Variants in PIP4K2A observed in about 807,000 individuals in gnomAD.
The protein encoded by PIP4K2A is phosphatidylinositol 5-phosphate 4-kinase type-2 alpha.
In PIP4K2A, 14 loss-of-function variants were observed where a neutral mutation model predicts 42.9. The observed-to-expected ratio is 0.33, with a 90% CI of 0.22 to 0.51. The LOEUF is 0.51. Ranked by LOEUF, PIP4K2A falls within the 20% of genes least tolerant of loss-of-function variation. The pLI is 0.97. For missense variants in PIP4K2A, 434 were observed against 519.8 expected (o/e 0.83, Z 1.61); for synonymous variants, 192 against 192.2 (o/e 1.00, Z 0.01).
chr10:22,596,205 C>CAAAAAAAAAA (rs10681238), intron 3 of PIP4K2A, among the ~76,000 whole-genome samples: 6,712 of 69,474 alleles, frequency 0.097, 762 homozygotes, highest in Non-Finnish European at 0.13. Flanking sequence ...AACTCCGTCT[C>CAAAAAAAAAA]AAAAAAAAAA....
intron 4 of PIP4K2A, among the ~76,000 whole-genome samples, chr10:22,576,708 T>C (rs760676153): frequency 4.0e-4 from 61 of 152,318 alleles, no homozygotes; most frequent in Non-Finnish European, 6.8e-4. Context: ...AAAAGTAGTA[T>C]GGAAGTGTTA....
At chr10:22,555,009 C>T (rs960244479) in intron 6 of PIP4K2A, among the ~76,000 whole-genome samples, 3 of 152,330 alleles carry the variant, frequency 2.0e-5, no homozygotes, top group East Asian at 1.9e-4. Flanking sequence ...CATTCATCTC[C>T]GCTAATGTGA....
intron 5 of PIP4K2A, chr10:22,569,059 A>G (rs1213996641): frequency 1.3e-6 from 2 of 1,534,092 alleles, no homozygotes; most frequent in African/African-American, 2.7e-5. Context: ...GGCCATCTGC[A>G]AAGAAATCAA....
At chr10:22,646,423 C>G (rs1304304612) in intron 1 of PIP4K2A, among the ~76,000 whole-genome samples, 1 of 152,160 alleles carries the variant, frequency 6.6e-6, no homozygotes, top group African/African-American at 2.4e-5. Context: ...ACAGCTCTGA[C>G]AGCTCATTTC....
At chr10:22,711,846 A>G (rs1275280151) in intron 1 of PIP4K2A, among the ~76,000 whole-genome samples, 1 of 152,214 alleles carries the variant, frequency 6.6e-6, no homozygotes, top group African/African-American at 2.4e-5. Context: ...AGGGTTTTAG[A>G]TTTCATGTTT....
chr10:22,661,400 G>A (rs1400957313), intron 1 of PIP4K2A, among the ~76,000 whole-genome samples: 2 of 142,568 alleles, frequency 1.4e-5, no homozygotes, highest in Non-Finnish European at 3.0e-5. Flanking sequence ...TCTGTCGCTC[G>A]GGCTGGAGTG....
At chr10:22,547,136 AT>A (rs1460846277) in intron 7 of PIP4K2A, among the ~76,000 whole-genome samples, 1 of 151,874 alleles carries the variant, frequency 6.6e-6, no homozygotes, top group African/African-American at 2.4e-5. Flanking sequence ...TTCTCAACTG[AT>A]TTATTTAACT....
At chr10:22,551,236 T>A (rs1836404098) in intron 6 of PIP4K2A, among the ~76,000 whole-genome samples, 1 of 152,182 alleles carries the variant, frequency 6.6e-6, no homozygotes, top group Non-Finnish European at 1.5e-5. Flanking sequence ...TGTTATCTTG[T>A]CTCAGAACAG....
intron 1 of PIP4K2A, among the ~76,000 whole-genome samples, chr10:22,666,843 C>T (rs929530123): frequency 6.6e-6 from 1 of 152,142 alleles, no homozygotes; most frequent in Admixed American, 6.5e-5. Context: ...AGTCCTATAC[C>T]GATAGGAATA....
intron 1 of PIP4K2A, among the ~76,000 whole-genome samples, chr10:22,681,499 C>A (rs1564465815): frequency 1.3e-5 from 2 of 152,164 alleles, no homozygotes; most frequent in African/African-American, 4.8e-5. Flanking sequence ...CACAGTGAGA[C>A]CTTGTCTCTT....
rs1564407665 is a variant in PIP4K2A at position 22,535,144 on chromosome 10, A to C, written c.*2057T>G. ...ATAAAAGCATTCTGTAAACTTCTAA[A>C]AGCATACACAGATTGGCCCCCAAGG... On this transcript the variant is annotated 3_prime_UTR_variant, in exon 10 of 10. Coordinates refer to ENST00000376573, the MANE Select transcript of PIP4K2A (RefSeq NM_005028.5). 1 of 152,370 alleles carries C rather than the reference A, an allele frequency of 6.6e-6. No individual in the cohort carries two copies. The highest frequency in any genetic ancestry group is 1.9e-4 in the East Asian group (1 of 5,190). The allele number at this position is 152,370 out of a possible 1,614,324, so 9.4% of individuals were successfully genotyped here. A position where few individuals can be genotyped will look rare whatever the true frequency, so the allele number is the denominator to read the frequency against.
intron 1 of PIP4K2A, among the ~76,000 whole-genome samples, chr10:22,625,510 G>C (rs948154952): frequency 5.3e-5 from 8 of 152,128 alleles, no homozygotes; most frequent in Admixed American, 2.0e-4. Context: ...AAAAAATCTG[G>C]AGTCTATTGT....
At chr10:22,699,388 A>C (rs1227716387) in intron 1 of PIP4K2A, among the ~76,000 whole-genome samples, 2 of 152,038 alleles carry the variant, frequency 1.3e-5, no homozygotes, top group Non-Finnish European at 2.9e-5. Flanking sequence ...CCTGAGAAGA[A>C]AACTTCTGTT....
At chr10:22,671,874 C>A (rs1839458135) in intron 1 of PIP4K2A, among the ~76,000 whole-genome samples, 1 of 151,542 alleles carries the variant, frequency 6.6e-6, no homozygotes, top group Non-Finnish European at 1.5e-5. Flanking sequence ...CTAAGAAACA[C>A]AAAAAATGTC....
At chr10:22,589,657 G>C (rs952702512) in intron 4 of PIP4K2A, among the ~76,000 whole-genome samples, 4 of 152,162 alleles carry the variant, frequency 2.6e-5, no homozygotes, top group African/African-American at 4.8e-5. Flanking sequence ...TGATATTAGA[G>C]CATCATGCAT....
At chr10:22,690,071 T>G (rs1839833556) in intron 1 of PIP4K2A, among the ~76,000 whole-genome samples, 1 of 152,176 alleles carries the variant, frequency 6.6e-6, no homozygotes, top group African/African-American at 2.4e-5. Flanking sequence ...ACTCTTGACT[T>G]TATTCACACT....
chr10:22,630,191 C>T (rs992962056), intron 1 of PIP4K2A, among the ~76,000 whole-genome samples: 1 of 146,238 alleles, frequency 6.8e-6, no homozygotes, highest in Admixed American at 6.8e-5. Flanking sequence ...AAAAAAAAAG[C>T]CAGGTATGGT....
At chr10:22,592,409 C>T (rs1837534430) in intron 3 of PIP4K2A, among the ~76,000 whole-genome samples, 1 of 152,172 alleles carries the variant, frequency 6.6e-6, no homozygotes, top group Non-Finnish European at 1.5e-5. Context: ...ACTTAACTTG[C>T]AGACTATGCT....
intron 1 of PIP4K2A, among the ~76,000 whole-genome samples, chr10:22,665,232 G>A (rs1241759801): frequency 6.6e-6 from 1 of 152,152 alleles, no homozygotes; most frequent in Non-Finnish European, 1.5e-5. Context: ...TGGTTGGTAT[G>A]TGTGATGACA....
Sources: gnomAD v4.1 joint callset for allele counts (sites outside exome capture counted in the v4.1 genomes callset) on GRCh38, gnomAD v4.1.1 for gene constraint, MANE v1.5 for transcripts, NCBI Gene and HGNC (gene_info 2026-07-23, HGNC 2026-07-21) for gene names.